The following DAZAP1 variants were observed in gnomAD, a reference collection of about 807,000 sequenced individuals.
DAZAP1 encodes DAZ associated protein 1.
In DAZAP1, 6 loss-of-function variants were observed where a neutral mutation model predicts 60.1. The observed-to-expected ratio is 0.10, with a 90% confidence interval of 0.05 to 0.20. The LOEUF (loss-of-function observed/expected upper bound fraction) is 0.20, where lower values mean the gene tolerates loss of function less well. DAZAP1 is among the 10% of genes least tolerant of loss of function. The probability of loss-of-function intolerance (pLI) is 1.00; values close to 1 mark genes in which losing one functional copy is unlikely to be tolerated. For synonymous variants in DAZAP1, 235 were observed against 215.9 expected, an observed-to-expected ratio of 1.09 and a Z score of -0.78; for missense variants, 366 against 560.4, an observed-to-expected ratio of 0.65 and a Z score of 3.50.
chr19:1,418,414 T>C lies in DAZAP1; in HGVS notation c.237+44T>C. 6.3e-7 allele frequency: 1 copy of C among 1,599,758 alleles called. No individual in the cohort carries two copies. Among genetic ancestry groups the C allele is most frequent in the Non-Finnish European group, 8.5e-7 (1 of 1,170,314 alleles). ...GCTCACACCCGCTCTCTGTCTCCCC[T>C]GTCCTTCCTCTGCTTCATTTTTTCC... On this transcript the variant is annotated intron_variant, in intron 3 of 11. Transcript: ENST00000233078. The surrounding 1 kb of genome is among the most constrained non-coding windows in gnomAD (Gnocchi z 5.7).
At chr19:1,420,607 C>T (rs570603591) in intron 4 of DAZAP1, among the ~76,000 whole-genome samples, 33 of 152,228 alleles carry the variant, frequency 2.2e-4, no homozygotes, top group Non-Finnish European at 4.3e-4. Flanking sequence ...GCCGAGGCCC[C>T]GGGAAGTGGT....
At chr19:1,410,935 A>G (rs1411895132) in intron 1 of DAZAP1, among the ~76,000 whole-genome samples, 1 of 152,256 alleles carries the variant, frequency 6.6e-6, no homozygotes, top group Admixed American at 6.5e-5. Context: ...GAGGATACCC[A>G]GGACTGTGGC....
chr19:1,420,342 G>T (rs1385614647), intron 4 of DAZAP1, among the ~76,000 whole-genome samples: 1 of 126,876 alleles, frequency 7.9e-6, no homozygotes, highest in East Asian at 2.4e-4. Context: ...CACCCCGAAC[G>T]TCACGGCGGC....
Position 1,428,763 on chromosome 19 carries a change from G to A in DAZAP1, c.547-79G>A, listed in dbSNP as rs1180885713. 1.9e-6 allele frequency: 3 copies of A among 1,551,966 alleles called. No homozygotes were observed. Among genetic ancestry groups the A allele is most frequent in the African/African-American group, 1.4e-5 (1 of 73,128 alleles). ...TGTAAGATGCTAAGTGTAGTCATAAGTTACCCGAGGGTGTGTCTAAAGGGA... is the reference window on the plus strand; with the variant it reads ...TGTAAGATGCTAAGTGTAGTCATAAATTACCCGAGGGTGTGTCTAAAGGGA... On this transcript the variant is annotated intron_variant, in intron 7 of 11. Transcript: ENST00000233078. This position sits in a 1 kb window ranked among gnomAD's most constrained non-coding sequence, Gnocchi z 4.0.
chr19:1,415,887 GC>G (rs1315754998), intron 1 of DAZAP1: 1 of 152,242 alleles, frequency 6.6e-6, no homozygotes, highest in Non-Finnish European at 1.5e-5. Context: ...GAAGAACGGG[GC>G]TGGGGGGTTG....
chr19:1,422,909 G>A lies in DAZAP1; in HGVS notation c.463+513G>A, dbSNP rs1569074019. Among the ~76,000 whole-genome samples, 1 of 151,818 alleles carries A rather than the reference G, an allele frequency of 6.6e-6. No individual in the cohort carries two copies. Among genetic ancestry groups the A allele is most frequent in the African/African-American group, 2.4e-5 (1 of 41,258 alleles). On this transcript the variant is annotated intron_variant, in intron 6 of 11. Transcript: ENST00000233078. This position sits in a 1 kb window ranked among gnomAD's most constrained non-coding sequence, Gnocchi z 4.5. ...AAGTCAGCAGGGCAGGTGGGAGGAG[G>A]GGTGAGGAGTCACCTCAGGGCCTCC...
Position 1,430,306 on chromosome 19 carries a change from G to A in DAZAP1, c.815G>A (p.Gly272Glu), listed in dbSNP as rs1459032743. ...TCCTACATCGTGTCCACCCCTCCTGGAGGCTTTCCCCCTCCCCAGGGCTTC... is the reference window on the plus strand; with the variant it reads ...TCCTACATCGTGTCCACCCCTCCTGAAGGCTTTCCCCCTCCCCAGGGCTTC... Reference protein sequence around the residue: ...FTSYIVSTPPGGFPPPQGFPQ... With the variant: ...FTSYIVSTPPEGFPPPQGFPQ... Residue 272 changes from glycine to glutamate, a missense_variant, in exon 10 of 12, where the codon GGA becomes GAA. This residue lies in a region of DAZAP1 where 240 missense variants were observed against 308.8 expected (regional missense o/e 0.78). Transcript: ENST00000233078. The A allele has an allele frequency of 1.3e-6, 2 of 1,565,102 alleles. No homozygotes were observed. The highest frequency in any genetic ancestry group is 2.4e-5 in the South Asian group (2 of 82,624).
intron 1 of DAZAP1, among the ~76,000 whole-genome samples, chr19:1,409,060 C>T (rs1395318470): frequency 6.6e-6 from 1 of 152,264 alleles, no homozygotes; most frequent in Middle Eastern, 3.4e-3. Flanking sequence ...CTTTTGTGGG[C>T]TCTCCCCCTC....
chr19:1,434,673 C>A lies in DAZAP1; in HGVS notation c.1049-64C>A. On this transcript the variant is annotated intron_variant, in intron 11 of 11. Transcript: ENST00000233078. This position sits in a 1 kb window ranked among gnomAD's most constrained non-coding sequence, Gnocchi z 8.0. ...CTCGGCGGAGCTGTGTCCAGGTGGC[C>A]TCGCTCGACGGCAGTGCCAACCGCC... The A allele has an allele frequency of 6.3e-7, 1 of 1,576,320 alleles. No individual in the cohort carries two copies. Among genetic ancestry groups the A allele is most frequent in the South Asian group, 1.1e-5 (1 of 88,574 alleles).
At chr19:1,429,907 T>G in intron 8 of DAZAP1, 60 bp from the exon 9 acceptor site, 1 of 1,550,752 alleles carries the variant, frequency 6.4e-7, no homozygotes. Context: ...TGCGGCTCCT[T>G]CTCTGCGTCG....
In DAZAP1 at chr19:1,433,904, G is replaced by A. The variant is rs1272508950; in HGVS notation, c.1049-833G>A. The A allele has an allele frequency of 2.2e-5, 29 of 1,343,560 alleles. No homozygotes were observed. Among genetic ancestry groups the A allele is most frequent in the Non-Finnish European group, 3.0e-5 (28 of 941,344 alleles). The allele number at this position is 1,343,560 out of a possible 1,614,324, so 83.2% of individuals were successfully genotyped here. ...TGGACGTGGCTTCCTCTGCCGTCCC[G>A]GGCGGGGGTGGACGCTGGCGGTGCC... is the stretch of plus-strand genomic sequence containing the variant. On this transcript the variant is annotated intron_variant, in intron 11 of 11. Transcript: ENST00000233078. The surrounding 1 kb of genome is among the most constrained non-coding windows in gnomAD (Gnocchi z 6.1).
Position 1,433,025 on chromosome 19 carries a change from G to T in DAZAP1, c.1048+335G>T. On this transcript the variant is annotated intron_variant, in intron 11 of 11. Coordinates refer to ENST00000233078, the MANE Select transcript of DAZAP1 (RefSeq NM_018959.4). The surrounding 1 kb of genome is among the most constrained non-coding windows in gnomAD (Gnocchi z 6.1). ...TCTAGAGGTTCAGGCCCTCGGTGTGGGTCCCGGGTGCACTGGCCCCTTGGT... is the reference window on the plus strand; with the variant it reads ...TCTAGAGGTTCAGGCCCTCGGTGTGTGTCCCGGGTGCACTGGCCCCTTGGT... 3.7e-6 allele frequency: 1 copy of T among 272,374 alleles called. No homozygotes were observed. Among genetic ancestry groups the T allele is most frequent in the South Asian group, 5.9e-5 (1 of 17,082 alleles). 16.9% of individuals were successfully genotyped at this position (272,374 alleles called of 1,614,324 possible). A position where few individuals can be genotyped will look rare whatever the true frequency, so the allele number is the denominator to read the frequency against.
rs1410293775 is a variant in DAZAP1, at chr19:1,423,089, C to T, written c.463+693C>T. On this transcript the variant is annotated intron_variant, in intron 6 of 11. Coordinates refer to ENST00000233078, the MANE Select transcript of DAZAP1 (RefSeq NM_018959.4). This position sits in a 1 kb window ranked among gnomAD's most constrained non-coding sequence, Gnocchi z 6.8. ...TTCATCAGCTGCTTTTGGCCGGCCA[C>T]GTGAGCAGACCTGCAGCCTGGGTCT... Among the ~76,000 whole-genome samples the T allele has an allele frequency of 2.0e-5, 3 of 151,232 alleles. No individual in the cohort carries two copies. The highest frequency in any genetic ancestry group is 4.8e-5 in the African/African-American group (2 of 41,438).
rs1287877590 is a variant in DAZAP1, at chr19:1,430,380, T to C, written c.871+18T>C. On this transcript the variant is annotated intron_variant, in intron 10 of 11. Transcript: ENST00000233078. ...ACAGTTCAGTAAGTCTAGGGGGCCTTGTGGGAGGGCCTCCCGCCTGCTCCG... is the reference window on the plus strand; with the variant it reads ...ACAGTTCAGTAAGTCTAGGGGGCCTCGTGGGAGGGCCTCCCGCCTGCTCCG... 6.8e-7 allele frequency: 1 copy of C among 1,478,318 alleles called. No individual in the cohort carries two copies. The highest frequency in any genetic ancestry group is 1.4e-5 in the African/African-American group (1 of 69,468). The allele number at this position is 1,478,318 out of a possible 1,614,324, so 91.6% of individuals were successfully genotyped here.
chr19:1,422,269 TG>T lies in DAZAP1; in HGVS notation c.415-76del. On this transcript the variant is annotated intron_variant, in intron 5 of 11. Transcript: ENST00000233078. This position sits in a 1 kb window ranked among gnomAD's most constrained non-coding sequence, Gnocchi z 4.5. ...CACCCTGTGCGAGAGTTTGGGTTCGTGGGAACAGGCTGTGCCCTCGGAAGAC... is the reference window on the plus strand; with the variant it reads ...CACCCTGTGCGAGAGTTTGGGTTCGTGGAACAGGCTGTGCCCTCGGAAGAC... 1 of 1,370,130 alleles carries T rather than the reference TG, an allele frequency of 7.3e-7. No homozygotes were observed. The allele number at this position is 1,370,130 out of a possible 1,614,324, so 84.9% of individuals were successfully genotyped here. A position where few individuals can be genotyped will look rare whatever the true frequency, so the allele number is the denominator to read the frequency against.
intron 5 of DAZAP1, 42 bp downstream of exon 5, chr19:1,421,300 C>A (rs749372383): frequency 1.9e-6 from 3 of 1,571,644 alleles, no homozygotes; most frequent in East Asian, 4.5e-5. Context: ...GGGACAGAGC[C>A]GCTTCTGCTC....
In DAZAP1 at chr19:1,428,027, T is replaced by G. The variant is rs1221184401; in HGVS notation, c.547-815T>G. 6.6e-6 allele frequency: 1 copy of G among 152,210 alleles called. No homozygotes were observed. The highest frequency in any genetic ancestry group is 1.5e-5 in the Non-Finnish European group (1 of 68,044). 9.4% of individuals were successfully genotyped at this position (152,210 alleles called of 1,614,324 possible). The stretch of plus-strand genomic sequence containing the variant: ...TCCACCCATATTTTCAAGCAGGCAT[T>G]AAAGGAAGGTCAGCCACTGCGCCTA... On this transcript the variant is annotated intron_variant, in intron 7 of 11. Transcript: ENST00000233078. The surrounding 1 kb of genome is among the most constrained non-coding windows in gnomAD (Gnocchi z 4.0).
At chr19:1,412,883 G>A (rs569260149) in intron 1 of DAZAP1, among the ~76,000 whole-genome samples, 1 of 152,176 alleles carries the variant, frequency 6.6e-6, no homozygotes, top group Non-Finnish European at 1.5e-5. Flanking sequence ...CAGACTGCAC[G>A]CTGGACTCCA....
rs761902841 is a variant in DAZAP1 at position 1,434,105 on chromosome 19, A to T, written c.1049-632A>T. On this transcript the variant is annotated intron_variant, in intron 11 of 11. Transcript: ENST00000233078. The surrounding 1 kb of genome is among the most constrained non-coding windows in gnomAD (Gnocchi z 8.0). ...CAGCGGGGTGGGGAGCGGCGTGAGC[A>T]GCTCTGTCCTTGTAAAGACACCGCT... 2.1e-6 allele frequency: 1 copy of T among 480,592 alleles called. No individual in the cohort carries two copies. Among genetic ancestry groups the T allele is most frequent in the Non-Finnish European group, 3.8e-6 (1 of 264,668 alleles). 29.8% of individuals were successfully genotyped at this position (480,592 alleles called of 1,614,324 possible).
Sources: gnomAD v4.1 joint callset for allele counts (sites outside exome capture counted in the v4.1 genomes callset) on GRCh38, gnomAD v4.1.1 for gene constraint, gnomAD v4.1.1 regional missense constraint, Gnocchi (gnomAD v3.1) non-coding constraint, MANE v1.5 for transcripts, NCBI Gene and HGNC (gene_info 2026-07-23, HGNC 2026-07-21) for gene names.